TUSC3: variants seen among roughly 807,000 people sequenced by gnomAD.
The protein encoded by TUSC3 is dolichyl-diphosphooligosaccharide--protein glycosyltransferase subunit TUSC3.
Under a neutral mutation model 44.8 loss-of-function variants are expected in TUSC3, and 45 were observed. The observed-to-expected ratio is 1.00, with a 90% CI of 0.79 to 1.29. The LOEUF is 1.29. Ranked by LOEUF, TUSC3 falls within the 50% of genes most tolerant of loss-of-function variation. The pLI is 0.00. For missense variants in TUSC3, 519 were observed against 437.9 expected (o/e 1.19, Z -1.65); for synonymous variants, 212 against 152.9 (o/e 1.39, Z -2.85).
intron 1 of TUSC3, among the ~76,000 whole-genome samples, chr8:15,442,975 C>T (rs1800039993): frequency 6.6e-6 from 1 of 152,062 alleles, no homozygotes; most frequent in Non-Finnish European, 1.5e-5. Context: ...TGCAAGAATC[C>T]TCTTTAAGCT....
intron 1 of TUSC3, among the ~76,000 whole-genome samples, chr8:15,594,649 T>C (rs984881032): frequency 5.3e-5 from 8 of 152,026 alleles, no homozygotes; most frequent in Non-Finnish European, 1.2e-4. Context: ...CTGAATACTC[T>C]ACATAATGTC....
At chr8:15,434,240 T>C (rs1289373879) in intron 1 of TUSC3, among the ~76,000 whole-genome samples, 2 of 106,138 alleles carry the variant, frequency 1.9e-5, no homozygotes, top group South Asian at 6.0e-4. Flanking sequence ...TTGTACACTG[T>C]TTTTTTGTGA....
chr8:15,524,354 C>G lies in TUSC3; in HGVS notation n.189+40871C>G, dbSNP rs148737211. Among the ~76,000 whole-genome samples the G allele has an allele frequency of 2.5e-4, 38 of 152,152 alleles. No homozygotes were observed. In the East Asian group the frequency reaches 5.0e-3, roughly 20 times the overall value. ...AATTCATAGACTTAATTTTCACTCACCATGTCTAATGGAAAGGAATTGTGA... is the reference window on the plus strand; with the variant it reads ...AATTCATAGACTTAATTTTCACTCAGCATGTCTAATGGAAAGGAATTGTGA... On this transcript the variant is annotated intron_variant and non_coding_transcript_variant, in intron 2 of 5. Coordinates refer to the TUSC3 transcript ENST00000503191.
At chr8:15,591,369 T>A (rs1803832818) in intron 1 of TUSC3, among the ~76,000 whole-genome samples, 1 of 152,172 alleles carries the variant, frequency 6.6e-6, no homozygotes, top group Non-Finnish European at 1.5e-5. Flanking sequence ...AAACATGTCA[T>A]ATAGAATAGG....
intron 6 of TUSC3, among the ~76,000 whole-genome samples, chr8:15,722,111 A>G (rs1268326074): frequency 6.6e-6 from 1 of 151,934 alleles, no homozygotes; most frequent in Non-Finnish European, 1.5e-5. Context: ...GTTTTACGTT[A>G]TCCTAGGATC....
the TUSC3 span, among the ~76,000 whole-genome samples, chr8:15,773,680 C>G: frequency 2.0e-5 from 3 of 152,114 alleles, no homozygotes; most frequent in South Asian, 2.1e-4. Context: ...AAACTTAATA[C>G]AATTCTACAA....
At chr8:15,563,908 G>A (rs1802572675) in intron 1 of TUSC3, among the ~76,000 whole-genome samples, 1 of 151,982 alleles carries the variant, frequency 6.6e-6, no homozygotes, top group Non-Finnish European at 1.5e-5. Flanking sequence ...AGATTGATAG[G>A]CATTTTCCTT....
chr8:15,815,368 G>C, the TUSC3 span, among the ~76,000 whole-genome samples: 1 of 152,116 alleles, frequency 6.6e-6, no homozygotes, highest in Non-Finnish European at 1.5e-5. Context: ...GTCAGCTGGA[G>C]TCCCTGGGGA....
At chr8:15,798,672 C>A in the TUSC3 span, among the ~76,000 whole-genome samples, 1 of 151,854 alleles carries the variant, frequency 6.6e-6, no homozygotes, top group Non-Finnish European at 1.5e-5. Flanking sequence ...CTTATTTACA[C>A]CATAAGAACC....
At chr8:15,624,552 A>C (rs12548857) in intron 2 of TUSC3, among the ~76,000 whole-genome samples, 1 of 152,052 alleles carries the variant, frequency 6.6e-6, no homozygotes, top group South Asian at 2.1e-4. Flanking sequence ...GCATTTCCCT[A>C]TGACTAATTG....
chr8:15,746,267 GGT>G (rs1811411236), intron 8 of TUSC3, among the ~76,000 whole-genome samples: 1 of 151,916 alleles, frequency 6.6e-6, no homozygotes, highest in Non-Finnish European at 1.5e-5. Flanking sequence ...CTCCTCTCTT[GGT>G]AGATGTTTGT....
chr8:15,455,602 C>G (rs1800247566), intron 1 of TUSC3, among the ~76,000 whole-genome samples: 1 of 151,848 alleles, frequency 6.6e-6, no homozygotes, highest in South Asian at 2.1e-4. Context: ...AATGTAAAAA[C>G]CATTCTTAGC....
rs564823355 is a variant in TUSC3, at chr8:15,613,363, A to G, written c.139-9717A>G. Among the ~76,000 whole-genome samples, 5 of 152,202 alleles carry G rather than the reference A, an allele frequency of 3.3e-5. 1 individual carries two copies. The highest frequency in any genetic ancestry group is 3.4e-3 in the Middle Eastern group (1 of 294). ...TGCAGATAATTCTTTTAGCAATGTG[A>G]TCTGTGTTGTTGTTAGATCATGACC... is the stretch of plus-strand genomic sequence containing the variant. On this transcript the variant is annotated intron_variant, in intron 1 of 10. Transcript: ENST00000503731.
downstream of TUSC3, among the ~76,000 whole-genome samples, chr8:15,766,863 A>G (rs555652538): frequency 3.9e-5 from 6 of 152,224 alleles, no homozygotes; most frequent in South Asian, 4.1e-4. Flanking sequence ...TTACTTTTCA[A>G]CCAGTGACAT....
intron 1 of TUSC3, among the ~76,000 whole-genome samples, chr8:15,426,943 C>G (rs924507410): frequency 6.6e-6 from 1 of 152,170 alleles, no homozygotes; most frequent in Non-Finnish European, 1.5e-5. Context: ...TTGTAGCTTT[C>G]ATTTGCATTT....
At chr8:15,463,998 GA>G (rs1800382781) in intron 1 of TUSC3, among the ~76,000 whole-genome samples, 1 of 152,084 alleles carries the variant, frequency 6.6e-6, no homozygotes, top group African/African-American at 2.4e-5. Flanking sequence ...TTGGACTTAG[GA>G]AAAAGATTCC....
intron 2 of TUSC3, among the ~76,000 whole-genome samples, chr8:15,627,069 A>G (rs1047989067): frequency 1.4e-4 from 22 of 152,190 alleles, no homozygotes; most frequent in African/African-American, 4.6e-4. Flanking sequence ...AGCGCACACT[A>G]TATCTGGCCC....
chr8:15,838,659 A>G, the TUSC3 span, among the ~76,000 whole-genome samples: 408 of 152,196 alleles, frequency 2.7e-3, 3 homozygotes, highest in African/African-American at 8.9e-3. Context: ...CAAAGATCAG[A>G]TGGTTGTAGA....
chr8:15,601,837 C>T lies in TUSC3; in HGVS notation c.139-21243C>T, dbSNP rs1463381564. ...TTGAGATTTTGTGGCTTGCTTTCTA[C>T]CAGTTTTTTATGGATATATTTGTAT... On this transcript the variant is annotated intron_variant, in intron 1 of 10. Coordinates refer to ENST00000503731, the MANE Select transcript of TUSC3 (RefSeq NM_006765.4). Among the ~76,000 whole-genome samples the T allele has an allele frequency of 4.0e-5, 6 of 151,316 alleles. No homozygotes were observed. In the Admixed American group the frequency reaches 4.0e-4, roughly 10 times the overall value.
Sources: allele counts gnomAD v4.1 joint callset (sites outside exome capture counted in the v4.1 genomes callset), GRCh38; gene constraint gnomAD v4.1.1; transcripts MANE v1.5; gene names NCBI Gene and HGNC (gene_info 2026-07-23, HGNC 2026-07-21).